Variants in SIDT2 observed in about 807,000 individuals in gnomAD.
SIDT2 encodes the protein SID1 transmembrane family, member 2.
SIDT2 carries 68 observed loss-of-function variants against 114.4 expected under a neutral mutation model. The ratio of observed to expected loss-of-function variants is 0.59; its 90% confidence interval spans 0.49 to 0.73. The LOEUF (loss-of-function observed/expected upper bound fraction) is 0.73. Ranked by LOEUF, SIDT2 falls within the 30% of genes least tolerant of loss-of-function variation. SIDT2 has a pLI of 0.00. For synonymous variants in SIDT2, 470 were observed against 438.4 expected (o/e 1.07, Z -0.90); for missense variants, 918 against 1,097.1 (o/e 0.84, Z 2.31).
In SIDT2 at chr11:117,197,008, C is replaced by T. The variant is rs1181410466; in HGVS notation, c.*942C>T. 2.0e-5 allele frequency: 3 copies of T among 152,668 alleles called. No homozygotes were observed. Among genetic ancestry groups the T allele is most frequent in the Admixed American group, 2.0e-4 (3 of 15,286 alleles). 9.5% of individuals were successfully genotyped at this position (152,668 alleles called of 1,614,324 possible). On this transcript the variant is annotated 3_prime_UTR_variant, in exon 26 of 26. Coordinates refer to ENST00000324225, the MANE Select transcript of SIDT2 (RefSeq NM_001040455.2). ...CAGCTGTGGGCACCCCAGTGCCTAC[C>T]TTAGAAAGGGGCTTCAGGAAGGGAT...
At chr11:117,194,549 A>G (rs1157796610) in intron 24 of SIDT2, among the ~76,000 whole-genome samples, 1 of 152,210 alleles carries the variant, frequency 6.6e-6, no homozygotes, top group Admixed American at 6.5e-5. Flanking sequence ...CACCTACCAC[A>G]TGTCAGGCTT....
Position 117,180,681 on chromosome 11 carries a change from G to A in SIDT2, c.184-735G>A, listed in dbSNP as rs367802290. Among the ~76,000 whole-genome samples the A allele has an allele frequency of 1.1e-3, 164 of 151,842 alleles. 1 individual carries two copies. Among genetic ancestry groups the A allele is most frequent in the African/African-American group, 3.6e-3 (151 of 41,418 alleles). On this transcript the variant is annotated intron_variant, in intron 1 of 25. Coordinates refer to ENST00000324225, the MANE Select transcript of SIDT2 (RefSeq NM_001040455.2). ...CTCCCAAGTAGTTGAGATTACAGGC[G>A]CCTGCCACCATACCCAGCTAATTTT...
intron 18 of SIDT2, chr11:117,191,081 T>G: frequency 5.8e-6 from 1 of 173,312 alleles, no homozygotes; most frequent in Non-Finnish European, 1.2e-5. Context: ...CTCCAGACCA[T>G]CCTGGCTAAC....
rs775696119 is a variant in SIDT2, at chr11:117,179,407, C to T, written c.144C>T (p.Val48=). 6.2e-7 allele frequency: 1 copy of T among 1,614,086 alleles called. No individual in the cohort carries two copies. The highest frequency in any genetic ancestry group is 2.2e-5 in the East Asian group (1 of 44,870). The part of the protein sequence containing the change: ...TYVDEVNSEL[V]NIYTFNHTVT... ...TGGACGAGGTCAACAGCGAGCTGGT[C>T]AACATCTACACCTTCAACCATACTG... Residue 48 remains valine (V), a synonymous_variant, in exon 1 of 26, where the codon GTC becomes GTT. Coordinates refer to ENST00000324225, the MANE Select transcript of SIDT2 (RefSeq NM_001040455.2).
rs771826709 is a variant in SIDT2, at chr11:117,190,166, C to T, written c.1494C>T (p.Ser498=). 2.8e-5 allele frequency: 45 copies of T among 1,582,936 alleles called. No homozygotes were observed. The highest frequency in any genetic ancestry group is 1.3e-4 in the South Asian group (11 of 86,336). ...GTCTGCCTTGTGTTGCCCCTTCTAG[C>T]GCCTTCAACAACATCCTCAGCAACC... ...FLCAHPLGNL[S]AFNNILSNLG... Residue 498 remains serine (S), a splice_region_variant and synonymous_variant, in exon 17 of 26, where the codon AGC becomes AGT. Transcript: ENST00000324225. This position sits in a 1 kb window ranked among gnomAD's most constrained non-coding sequence, Gnocchi z 4.1.
Position 117,191,720 on chromosome 11 carries a change from A to G in SIDT2, c.1736-158A>G, listed in dbSNP as rs1345536113. 4 of 948,510 alleles carry G rather than the reference A, an allele frequency of 4.2e-6. No homozygotes were observed. In the African/African-American group the frequency reaches 6.6e-5, roughly 16 times the overall value. The allele number at this position is 948,510 out of a possible 1,614,324, so 58.8% of individuals were successfully genotyped here. On this transcript the variant is annotated intron_variant, in intron 18 of 25. Transcript: ENST00000324225. ...GCAGTGTGGTGTGGCAGGTACAACT[A>G]AGGAACTGAAGTTCAAGTGCCACCC... is the stretch of plus-strand genomic sequence containing the variant.
At chr11:117,187,268 C>T in intron 10 of SIDT2, 110 bp from the exon 11 acceptor site, 3 of 1,123,640 alleles carry the variant, frequency 2.7e-6, no homozygotes, top group East Asian at 2.3e-5. Flanking sequence ...TTCTCGTCTG[C>T]TGGCATGGCC....
In SIDT2 at chr11:117,196,213, G is replaced by T. The variant is rs578152266; in HGVS notation, c.*147G>T. The T allele has an allele frequency of 2.3e-5, 25 of 1,101,472 alleles. No individual in the cohort carries two copies. In the African/African-American group the frequency reaches 3.6e-4, roughly 16 times the overall value. 68.2% of individuals were successfully genotyped at this position (1,101,472 alleles called of 1,614,324 possible). A position where few individuals can be genotyped will look rare whatever the true frequency, so the allele number is the denominator to read the frequency against. ...GGACAGCCAGGTCTAGCTTAGGCTT[G>T]GCCTGGGACAGCCATGGGGTGGCAT... On this transcript the variant is annotated 3_prime_UTR_variant, in exon 26 of 26. Transcript: ENST00000324225. This position sits in a 1 kb window ranked among gnomAD's most constrained non-coding sequence, Gnocchi z 4.9.
chr11:117,187,714 C>G lies in SIDT2; in HGVS notation c.1159+15C>G. On this transcript the variant is annotated intron_variant, in intron 12 of 25. Transcript: ENST00000324225. ...CGGTTACCAGGGTGAGTGGGCCAGG[C>G]TGGGAGGGGCGGTGTGGTGCAGGAC... The G allele has an allele frequency of 6.2e-7, 1 of 1,612,894 alleles. No homozygotes were observed. The highest frequency in any genetic ancestry group is 8.5e-7 in the Non-Finnish European group (1 of 1,179,128).
Position 117,193,941 on chromosome 11 carries a change from TC to T in SIDT2, c.2302del (p.Gln768ArgfsTer48). ...TGGGGCTTCGCGCTCTTCTTCTTCT[TC>T]CAGGGACTCAGCACCTGGCAGGTGA... is the stretch of plus-strand genomic sequence containing the variant. ...VVWGFALFFF[F>X]QGLSTWQKTP... On this transcript the variant is annotated frameshift_variant, in exon 24 of 26. Transcript: ENST00000324225. LOFTEE classifies it high-confidence loss of function. The T allele has an allele frequency of 6.2e-7, 1 of 1,613,884 alleles. No individual in the cohort carries two copies. The highest frequency in any genetic ancestry group is 8.5e-7 in the Non-Finnish European group (1 of 1,179,862).
rs2030764411 is a variant in SIDT2 at position 117,193,153 on chromosome 11, G to A, written c.2106G>A (p.Leu702=). The change falls in exon 23 of 26, where the codon CTG becomes CTA. Residue 702 remains leucine (L), a splice_region_variant and synonymous_variant. Coordinates refer to ENST00000324225, the MANE Select transcript of SIDT2 (RefSeq NM_001040455.2). ...CACCACCCTTCATCCCTCTTGCCAG[G>A]GCTGCCTATGGGCTTATCATGCGCC... ...LVMGNVINWS[L]AAYGLIMRPN... 6.2e-7 allele frequency: 1 copy of A among 1,614,176 alleles called. No individual in the cohort carries two copies. Among genetic ancestry groups the A allele is most frequent in the Non-Finnish European group, 8.5e-7 (1 of 1,180,018 alleles).
intron 24 of SIDT2, among the ~76,000 whole-genome samples, chr11:117,194,326 A>G (rs1315275289): frequency 6.6e-6 from 1 of 152,072 alleles, no homozygotes; most frequent in African/African-American, 2.4e-5. Context: ...AATTTTAAAC[A>G]TCATTTGGGA....
intron 7 of SIDT2, 49 bp downstream of exon 7, chr11:117,183,927 C>T (rs1165534312): frequency 1.3e-6 from 2 of 1,544,888 alleles, no homozygotes; most frequent in Non-Finnish European, 1.8e-6. Flanking sequence ...GTCTTGGTCA[C>T]TTTCTGGGAG....
At position 117,189,256 on chromosome 11, in the gene SIDT2, GTGTC is replaced by G. The variant is rs1197166275; in HGVS notation, c.1352+17_1352+20del. ...GATCTACTTCTGGTGAGTGGGCTGAGTGTCTGGGGCTCTGCTGTTGGTGGGTGTG... is the reference window on the plus strand; with the variant it reads ...GATCTACTTCTGGTGAGTGGGCTGAGTGGGGCTCTGCTGTTGGTGGGTGTG... On this transcript the variant is annotated intron_variant, in intron 14 of 25. Coordinates refer to ENST00000324225, the MANE Select transcript of SIDT2 (RefSeq NM_001040455.2). 1.9e-6 allele frequency: 3 copies of G among 1,614,128 alleles called. No homozygotes were observed. The highest frequency in any genetic ancestry group is 2.2e-5 in the East Asian group (1 of 44,904).
intron 8 of SIDT2, 28 bp from the exon 9 acceptor site, chr11:117,186,102 T>C (rs1434704354): frequency 6.3e-7 from 1 of 1,599,814 alleles, no homozygotes; most frequent in South Asian, 1.1e-5. Context: ...GGTTTTGACC[T>C]GTCCACCTTC....
At chr11:117,189,778 T>C in intron 15 of SIDT2, 174 bp from the exon 16 acceptor site, 4 of 642,574 alleles carry the variant, frequency 6.2e-6, no homozygotes, top group Non-Finnish European at 1.1e-5. Context: ...GGACAGCGAC[T>C]GTGCTGCATG....
intron 13 of SIDT2, 158 bp from the exon 14 acceptor site, chr11:117,189,011 C>T: frequency 1.1e-5 from 11 of 979,592 alleles, no homozygotes; most frequent in East Asian, 7.3e-5. Context: ...TTGGCCAAAC[C>T]CTCTTGGTCT....
In SIDT2 at chr11:117,190,546, A is replaced by AG; in HGVS notation, c.1618-74dup. On this transcript the variant is annotated intron_variant, in intron 17 of 25. Coordinates refer to ENST00000324225, the MANE Select transcript of SIDT2 (RefSeq NM_001040455.2). This position sits in a 1 kb window ranked among gnomAD's most constrained non-coding sequence, Gnocchi z 4.1. The stretch of plus-strand genomic sequence containing the variant: ...CCCCTTTTCCTCTTCCACTCCTCTT[A>AG]GGGTCCCTCTTTTGGGTCCCTTCTT... 2 of 1,268,240 alleles carry AG rather than the reference A, an allele frequency of 1.6e-6. No homozygotes were observed. Among genetic ancestry groups the AG allele is most frequent in the South Asian group, 2.6e-5 (2 of 75,950 alleles). 78.6% of individuals were successfully genotyped at this position (1,268,240 alleles called of 1,614,324 possible).
intron 18 of SIDT2, 22 bp from the exon 19 acceptor site, chr11:117,191,856 C>T: frequency 6.2e-7 from 1 of 1,611,586 alleles, no homozygotes. Context: ...TCTGCAGCTC[C>T]CTTCCGTGTC....
Sources: allele counts gnomAD v4.1 joint callset (sites outside exome capture counted in the v4.1 genomes callset), GRCh38; gene constraint gnomAD v4.1.1; non-coding constraint Gnocchi (gnomAD v3.1); transcripts MANE v1.5; gene names NCBI Gene and HGNC (gene_info 2026-07-23, HGNC 2026-07-21).